RALYL: variants seen among roughly 807,000 people sequenced by gnomAD.
RALYL encodes RNA-binding Raly-like protein.
Under a neutral mutation model 35.1 loss-of-function variants are expected in RALYL, and 29 were observed. That is an observed-to-expected ratio of 0.83 (90% CI 0.61 to 1.13). RALYL has a LOEUF of 1.13. Ranked by LOEUF, RALYL falls within the 50% of genes most tolerant of loss-of-function variation. The pLI, the probability that RALYL is intolerant of heterozygous loss-of-function variation, is 0.00. For missense variants in RALYL, 359 were observed against 360.4 expected, an observed-to-expected ratio of 1.00 and a Z score of 0.03; for synonymous variants, 120 against 127.6, an observed-to-expected ratio of 0.94 and a Z score of 0.40.
chr8:84,339,101 T>G (rs1586422128), intron 1 of RALYL, among the ~76,000 whole-genome samples: 1 of 152,130 alleles, frequency 6.6e-6, no homozygotes, highest in East Asian at 1.9e-4. Flanking sequence ...GGGGTCAATG[T>G]TCTCAGTCCA....
At chr8:84,470,520 GT>G (rs2052590350) in intron 1 of RALYL, among the ~76,000 whole-genome samples, 3 of 151,868 alleles carry the variant, frequency 2.0e-5, no homozygotes, top group Admixed American at 2.0e-4. Context: ...AACAAGAAAG[GT>G]ATAAAATTAA....
At chr8:84,578,488 T>C (rs747150639) in intron 2 of RALYL, among the ~76,000 whole-genome samples, 9 of 152,206 alleles carry the variant, frequency 5.9e-5, no homozygotes, top group Non-Finnish European at 1.0e-4. Context: ...TTGTCCCACT[T>C]CCAGGAAGAA....
chr8:84,236,168 C>T (rs935881352), intron 1 of RALYL, among the ~76,000 whole-genome samples: 8 of 151,982 alleles, frequency 5.3e-5, no homozygotes, highest in Non-Finnish European at 7.4e-5. Context: ...TAGTTTGCAA[C>T]GTATATATTA....
chr8:84,564,417 A>G (rs182843646), intron 2 of RALYL, among the ~76,000 whole-genome samples: 1 of 151,784 alleles, frequency 6.6e-6, no homozygotes, highest in East Asian at 1.9e-4. Context: ...TTCACCCTGC[A>G]TTTTCATAAT....
intron 1 of RALYL, among the ~76,000 whole-genome samples, chr8:84,432,327 G>C (rs1186543965): frequency 6.6e-6 from 1 of 152,120 alleles, no homozygotes; most frequent in Non-Finnish European, 1.5e-5. Flanking sequence ...GTCTAAAATA[G>C]TCAGACTTAC....
At chr8:84,338,816 T>G (rs187394891) in intron 1 of RALYL, among the ~76,000 whole-genome samples, 5 of 152,270 alleles carry the variant, frequency 3.3e-5, no homozygotes, top group Admixed American at 3.3e-4. Context: ...ATAGACATGA[T>G]AGTGATAGCA....
chr8:84,358,659 A>G (rs1292150400), intron 1 of RALYL, among the ~76,000 whole-genome samples: 1 of 152,072 alleles, frequency 6.6e-6, no homozygotes, highest in Non-Finnish European at 1.5e-5. Context: ...GGAGAAAATA[A>G]GGCACTCCTG....
chr8:84,799,391 C>CTGTT (rs1415188297), intron 3 of RALYL, among the ~76,000 whole-genome samples: 1 of 152,078 alleles, frequency 6.6e-6, no homozygotes, highest in African/African-American at 2.4e-5. Context: ...AAATTTAATT[C>CTGTT]TGTTAGTAGA....
At chr8:84,717,166 G>A (rs919557457) in intron 2 of RALYL, among the ~76,000 whole-genome samples, 6 of 152,118 alleles carry the variant, frequency 3.9e-5, no homozygotes, top group African/African-American at 9.7e-5. Flanking sequence ...CAACCTGGGC[G>A]ACAGAGCGGG....
intron 2 of RALYL, among the ~76,000 whole-genome samples, chr8:84,757,872 G>T (rs540080154): frequency 1.1e-4 from 17 of 152,072 alleles, no homozygotes; most frequent in Non-Finnish European, 2.5e-4. Context: ...TTTCTATATG[G>T]CAAAGTAAAA....
At chr8:84,385,950 G>A (rs2131677841) in intron 1 of RALYL, among the ~76,000 whole-genome samples, 1 of 151,868 alleles carries the variant, frequency 6.6e-6, no homozygotes, top group Admixed American at 6.6e-5. Flanking sequence ...TCATTCTACT[G>A]CCTGTCAAGG....
intron 1 of RALYL, among the ~76,000 whole-genome samples, chr8:84,303,957 T>C (rs1166221995): frequency 6.6e-6 from 1 of 152,160 alleles, no homozygotes; most frequent in Non-Finnish European, 1.5e-5. Flanking sequence ...CTCTTTTTAT[T>C]GGACTTCTAT....
At chr8:84,287,536 TAC>T (rs1251032613) in intron 1 of RALYL, among the ~76,000 whole-genome samples, 1 of 152,038 alleles carries the variant, frequency 6.6e-6, no homozygotes, top group African/African-American at 2.4e-5. Context: ...TCTTGTTTGT[TAC>T]ATGAGAATCG....
At chr8:84,270,297 A>G (rs1335488314) in intron 1 of RALYL, among the ~76,000 whole-genome samples, 2 of 152,230 alleles carry the variant, frequency 1.3e-5, no homozygotes, top group Non-Finnish European at 2.9e-5. Context: ...GGACGTGGTG[A>G]TGGTGGAACG....
At chr8:84,433,632 C>T (rs1039510007) in intron 1 of RALYL, among the ~76,000 whole-genome samples, 6 of 151,930 alleles carry the variant, frequency 3.9e-5, no homozygotes, top group Non-Finnish European at 8.8e-5. Context: ...TGCTTTTGCT[C>T]CTTCCTCATT....
chr8:84,520,234 T>G (rs898989901), intron 1 of RALYL, among the ~76,000 whole-genome samples: 1 of 152,246 alleles, frequency 6.6e-6, no homozygotes, highest in Non-Finnish European at 1.5e-5. Context: ...TTGCGGTCAG[T>G]GTATTTAGAC....
chr8:84,912,837 T>G (rs928627798), intron 8 of RALYL, among the ~76,000 whole-genome samples: 2 of 152,078 alleles, frequency 1.3e-5, no homozygotes, highest in African/African-American at 4.8e-5. Context: ...AATATGTGAT[T>G]GTGTGCTGGA....
At position 84,921,019 on chromosome 8, in the gene RALYL, T is replaced by C. The variant is rs1849257011; in HGVS notation, c.*108T>C. 1.4e-5 allele frequency: 8 copies of C among 565,572 alleles called. No individual in the cohort carries two copies. Among genetic ancestry groups the C allele is most frequent in the Non-Finnish European group, 2.4e-5 (8 of 334,130 alleles). The allele number at this position is 565,572 out of a possible 1,614,324, so 35.0% of individuals were successfully genotyped here. On this transcript the variant is annotated 3_prime_UTR_variant, in exon 9 of 9. Coordinates refer to ENST00000521268, the MANE Select transcript of RALYL (RefSeq NM_173848.7). ...ACAGCAGCATCTTTGGTTCAATTTA[T>C]ATAAAAACCCAAATAAATAAAATGG...
At chr8:84,667,199 T>A (rs1832256234) in intron 2 of RALYL, among the ~76,000 whole-genome samples, 1 of 152,058 alleles carries the variant, frequency 6.6e-6, no homozygotes, top group Admixed American at 6.6e-5. Flanking sequence ...TCCTTGCCTC[T>A]TGTATTTCCT....
Sources: allele counts gnomAD v4.1 joint callset (sites outside exome capture counted in the v4.1 genomes callset), GRCh38; gene constraint gnomAD v4.1.1; transcripts MANE v1.5; gene names NCBI Gene and HGNC (gene_info 2026-07-23, HGNC 2026-07-21).